MYO3B: variants seen among roughly 807,000 people sequenced by gnomAD.
MYO3B encodes myosin IIIB.
Under a neutral mutation model 174.6 loss-of-function variants are expected in MYO3B, and 156 were observed. The observed-to-expected ratio is 0.89, with a 90% CI of 0.78 to 1.02. The LOEUF (loss-of-function observed/expected upper bound fraction) is 1.02, where lower values mean the gene tolerates loss of function less well. Among genes scored for constraint, MYO3B ranks in the 50% least tolerant of loss-of-function variants. The pLI is 0.00. For missense variants in MYO3B, 1,632 were observed against 1,639.4 expected, an observed-to-expected ratio of 1.00 and a Z score of 0.08; for synonymous variants, 563 against 569.1, an observed-to-expected ratio of 0.99 and a Z score of 0.15.
At chr2:170,234,411 C>A (rs2093049075) in intron 6 of MYO3B, among the ~76,000 whole-genome samples, 1 of 152,164 alleles carries the variant, frequency 6.6e-6, no homozygotes, top group South Asian at 2.1e-4. Flanking sequence ...GTCCTGCAAG[C>A]CCTTTTCATG....
chr2:170,385,997 T>C (rs957799882), intron 12 of MYO3B, 192 bp from the exon 13 acceptor site: 102 of 491,274 alleles, frequency 2.1e-4, no homozygotes, highest in Admixed American at 9.3e-4. Context: ...CAGATTATGG[T>C]ACATATGTAC....
At chr2:170,553,713 G>T (rs1333314239) in intron 32 of MYO3B, among the ~76,000 whole-genome samples, 1 of 152,106 alleles carries the variant, frequency 6.6e-6, no homozygotes, top group East Asian at 1.9e-4. Context: ...ATGAGATTTG[G>T]GAGAGGTTGG....
rs564619294 is a variant in MYO3B, at chr2:170,406,787, G to T, written c.2521-928G>T. On this transcript the variant is annotated intron_variant, in intron 21 of 34. Transcript: ENST00000408978. ...TTGCTGCATCCATTTGCCATTCAAA[G>T]CTTATTTGTAGAGAAGGAATTCTCT... is the stretch of plus-strand genomic sequence containing the variant. 3.3e-5 allele frequency among the ~76,000 whole-genome samples: 5 copies of T among 152,148 alleles called. No individual in the cohort carries two copies. The South Asian group carries it at 1.0e-3, about 32-fold the overall frequency.
chr2:170,524,789 C>T (rs1216583588), intron 30 of MYO3B, among the ~76,000 whole-genome samples: 2 of 152,100 alleles, frequency 1.3e-5, no homozygotes, highest in East Asian at 1.9e-4. Flanking sequence ...CTGGCCTGTG[C>T]TGAGGGTTTT....
chr2:170,333,595 C>T (rs1052448931), intron 7 of MYO3B, among the ~76,000 whole-genome samples: 1 of 152,126 alleles, frequency 6.6e-6, no homozygotes, highest in African/African-American at 2.4e-5. Context: ...CATATATAGT[C>T]TAGCCTCAAC....
At chr2:170,360,629 C>A (rs1226523594) in intron 8 of MYO3B, among the ~76,000 whole-genome samples, 3 of 152,192 alleles carry the variant, frequency 2.0e-5, no homozygotes, top group Admixed American at 1.3e-4. Context: ...TTGAATGTGT[C>A]TCCTCCAAAA....
intron 32 of MYO3B, among the ~76,000 whole-genome samples, chr2:170,610,477 T>C (rs1332028826): frequency 6.6e-6 from 1 of 152,214 alleles, no homozygotes; most frequent in African/African-American, 2.4e-5. Context: ...TTGATTACCC[T>C]CTATCAGGCA....
chr2:170,233,968 G>C (rs1295413309), intron 6 of MYO3B, among the ~76,000 whole-genome samples: 1 of 151,770 alleles, frequency 6.6e-6, no homozygotes, highest in Admixed American at 6.6e-5. Flanking sequence ...TCAGGAGATC[G>C]AGACCATCCC....
At chr2:170,377,480 T>A (rs10207452) in intron 9 of MYO3B, among the ~76,000 whole-genome samples, 1 of 151,768 alleles carries the variant, frequency 6.6e-6, no homozygotes. Flanking sequence ...CTCATTTCCT[T>A]GGACTTGATG....
At chr2:170,205,711 C>G (rs769833256) in intron 3 of MYO3B, among the ~76,000 whole-genome samples, 7 of 152,106 alleles carry the variant, frequency 4.6e-5, no homozygotes, top group Non-Finnish European at 8.8e-5. Flanking sequence ...CCCTGCCTCT[C>G]TTGATTACGT....
chr2:170,340,935 C>G (rs976107339), intron 8 of MYO3B, among the ~76,000 whole-genome samples: 1 of 152,030 alleles, frequency 6.6e-6, no homozygotes, highest in Non-Finnish European at 1.5e-5. Flanking sequence ...GTGTCTATTT[C>G]TCATTTCTCG....
chr2:170,619,718 C>T (rs997420489), intron 32 of MYO3B, among the ~76,000 whole-genome samples: 3 of 146,144 alleles, frequency 2.1e-5, no homozygotes, highest in African/African-American at 5.0e-5. Flanking sequence ...AAGTGATGGC[C>T]CATCACTGCT....
At chr2:170,648,794 A>G (rs1364545690) in intron 32 of MYO3B, among the ~76,000 whole-genome samples, 6 of 116,556 alleles carry the variant, frequency 5.1e-5, no homozygotes, top group African/African-American at 2.0e-4. Flanking sequence ...TCTATAATCT[A>G]TATAATACAT....
At chr2:170,648,235 T>G (rs150956262) in intron 32 of MYO3B, among the ~76,000 whole-genome samples, 1 of 152,196 alleles carries the variant, frequency 6.6e-6, no homozygotes, top group African/African-American at 2.4e-5. Flanking sequence ...ACAGGCTAGA[T>G]TCCTGTGCTC....
chr2:170,492,090 G>C (rs1686526397), intron 25 of MYO3B, among the ~76,000 whole-genome samples: 1 of 151,804 alleles, frequency 6.6e-6, no homozygotes, highest in Admixed American at 6.6e-5. Context: ...TTGTTAGGTA[G>C]AACCAGAGCT....
chr2:170,214,334 CAT>C (rs1293597057), intron 3 of MYO3B, 43 bp from the exon 4 acceptor site: 9 of 1,477,750 alleles, frequency 6.1e-6, no homozygotes, highest in Non-Finnish European at 8.4e-6. Flanking sequence ...TTCTTTTTCA[CAT>C]GTGGTCTCCT....
At chr2:170,180,208 A>G (rs1199999584) in intron 1 of MYO3B, 1 of 438,088 alleles carries the variant, frequency 2.3e-6, no homozygotes, top group Non-Finnish European at 4.7e-6. Context: ...GTTAGGGACT[A>G]ATTCAGGGTA....
At chr2:170,383,943 T>C (rs950459932) in intron 12 of MYO3B, 129 bp downstream of exon 12, 61 of 689,326 alleles carry the variant, frequency 8.8e-5, no homozygotes, top group Non-Finnish European at 8.4e-5. Context: ...AGACAGGAGA[T>C]GAAGTGGCAG....
intron 32 of MYO3B, among the ~76,000 whole-genome samples, chr2:170,571,829 C>T (rs1000429838): frequency 2.6e-5 from 4 of 152,098 alleles, no homozygotes; most frequent in Non-Finnish European, 5.9e-5. Flanking sequence ...GACTTGTGTT[C>T]TCTCTGAACA....
Sources: allele counts gnomAD v4.1 joint callset (sites outside exome capture counted in the v4.1 genomes callset), GRCh38; gene constraint gnomAD v4.1.1; transcripts MANE v1.5; gene names NCBI Gene and HGNC (gene_info 2026-07-23, HGNC 2026-07-21).